The following WDR64 variants were observed in gnomAD, a reference collection of about 807,000 sequenced individuals.
WDR64 encodes WD repeat-containing protein 64.
Under a neutral mutation model 139.3 loss-of-function variants are expected in WDR64, and 112 were observed. The ratio of observed to expected loss-of-function variants is 0.80; its 90% CI spans 0.69 to 0.94. WDR64 has a LOEUF of 0.94. Among genes scored for constraint, WDR64 ranks in the 40% least tolerant of loss-of-function variants. The pLI is 0.00. For missense variants in WDR64, 1,206 were observed against 1,293.1 expected, an observed-to-expected ratio of 0.93 and a Z score of 1.03; for synonymous variants, 444 against 437.7, an observed-to-expected ratio of 1.01 and a Z score of -0.18.
At chr1:241,740,108 C>T (rs1212008342) in intron 11 of WDR64, among the ~76,000 whole-genome samples, 2 of 152,148 alleles carry the variant, frequency 1.3e-5, no homozygotes, top group Non-Finnish European at 2.9e-5. Flanking sequence ...TCTCAAACAG[C>T]CCAGCTGACT....
intron 16 of WDR64, among the ~76,000 whole-genome samples, chr1:241,769,053 G>C (rs1275533746): frequency 6.6e-6 from 1 of 152,142 alleles, no homozygotes; most frequent in Non-Finnish European, 1.5e-5. Flanking sequence ...GATCGCTTGA[G>C]CCCAGGAGTT....
chr1:241,710,367 G>T (rs1367338927), intron 8 of WDR64, among the ~76,000 whole-genome samples: 2 of 152,194 alleles, frequency 1.3e-5, no homozygotes, highest in Non-Finnish European at 2.9e-5. Context: ...GATGGAGCCA[G>T]GATGGAAGCC....
intron 23 of WDR64, among the ~76,000 whole-genome samples, chr1:241,786,897 A>G (rs916452403): frequency 1.3e-5 from 2 of 152,228 alleles, no homozygotes; most frequent in Non-Finnish European, 2.9e-5. Context: ...TTGCAGGGAC[A>G]TGGATGGAGC....
chr1:241,716,851 T>C (rs1039851790), intron 9 of WDR64, among the ~76,000 whole-genome samples: 6 of 152,116 alleles, frequency 3.9e-5, no homozygotes, highest in Admixed American at 6.5e-5. Context: ...CTCCAAAAGA[T>C]TGGATTTTCT....
chr1:241,653,538 CTTTTCTTTT>C (rs1156611104), intron 1 of WDR64, among the ~76,000 whole-genome samples: 3 of 107,898 alleles, frequency 2.8e-5, no homozygotes, highest in Non-Finnish European at 6.4e-5. Context: ...CTTTTCTTTT[CTTTTCTTTT>C]TTTTTTTTTT....
In WDR64 at chr1:241,766,363, A is replaced by T. The variant is rs1574081036; in HGVS notation, c.2081+12A>T. 1.2e-6 allele frequency: 2 copies of T among 1,612,684 alleles called. No individual in the cohort carries two copies. Among genetic ancestry groups the T allele is most frequent in the African/African-American group, 1.3e-5 (1 of 74,904 alleles). ...ACTGTCAAAAAAGTGTAAGTTGTGT[A>T]TTATCCTTAAACAATGTAAAAGCTT... On this transcript the variant is annotated intron_variant, in intron 16 of 27. Transcript: ENST00000437684.
intron 15 of WDR64, 43 bp downstream of exon 15, chr1:241,757,502 T>C (rs768675339): frequency 6.5e-7 from 1 of 1,539,484 alleles, no homozygotes; most frequent in Non-Finnish European, 8.8e-7. Context: ...TTGCTTTTTG[T>C]TATGGAAATT....
At chr1:241,795,349 C>T (rs1659334132) in intron 26 of WDR64, 62 bp downstream of exon 26, 2 of 1,455,808 alleles carry the variant, frequency 1.4e-6, no homozygotes, top group African/African-American at 2.8e-5. Context: ...CCATCTCATT[C>T]CTGACCCTGG....
chr1:241,682,550 T>A (rs140531762), intron 6 of WDR64, among the ~76,000 whole-genome samples: 3,507 of 152,358 alleles, frequency 0.023, 81 homozygotes, highest in South Asian at 0.081. Flanking sequence ...TAGTTTGAAA[T>A]CAGATAGTGT....
chr1:241,709,423 C>G (rs1668079651), intron 8 of WDR64, among the ~76,000 whole-genome samples: 1 of 152,162 alleles, frequency 6.6e-6, no homozygotes, highest in Admixed American at 6.5e-5. Context: ...GGTTCAATAT[C>G]TCAAACACAA....
intron 13 of WDR64, among the ~76,000 whole-genome samples, chr1:241,747,731 A>G (rs920302071): frequency 6.6e-6 from 1 of 152,176 alleles, no homozygotes; most frequent in African/African-American, 2.4e-5. Flanking sequence ...CCTATGCGAG[A>G]ATCGATGTTG....
rs1172731790 is a variant in WDR64 at position 241,802,590 on chromosome 1, A to G, written c.*1375A>G. Among the ~76,000 whole-genome samples the G allele has an allele frequency of 6.6e-6, 1 of 152,200 alleles. No individual in the cohort carries two copies. The highest frequency in any genetic ancestry group is 2.4e-5 in the African/African-American group (1 of 41,448). On this transcript the variant is annotated 3_prime_UTR_variant, in exon 28 of 28. Coordinates refer to ENST00000437684, the MANE Select transcript of WDR64 (RefSeq NM_001367482.1). The stretch of plus-strand genomic sequence containing the variant: ...GAATTGTAAACTAATATTCTCATTG[A>G]TATGCATGCTAATAGGATTACTAGT...
At chr1:241,701,667 T>G (rs1405182447) in intron 8 of WDR64, among the ~76,000 whole-genome samples, 1 of 91,752 alleles carries the variant, frequency 1.1e-5, no homozygotes. Context: ...CAAACAGTGG[T>G]CATTGATCTG....
rs1667819564 is a variant in WDR64 at position 241,703,639 on chromosome 1, T to G, written c.975-8163T>G. 1.3e-5 allele frequency among the ~76,000 whole-genome samples: 2 copies of G among 152,164 alleles called. No individual in the cohort carries two copies. Among genetic ancestry groups the G allele is most frequent in the South Asian group, 4.1e-4 (2 of 4,830 alleles). On this transcript the variant is annotated intron_variant, in intron 8 of 27. Coordinates refer to ENST00000437684, the MANE Select transcript of WDR64 (RefSeq NM_001367482.1). This position sits in a 1 kb window ranked among gnomAD's most constrained non-coding sequence, Gnocchi z 5.9. The stretch of plus-strand genomic sequence containing the variant: ...TCAGGTATTTGTCCCTTAAGGATAT[T>G]CAAACAATTATTTATTGGGAGCCTT...
At chr1:241,710,196 T>C (rs12090018) in intron 8 of WDR64, among the ~76,000 whole-genome samples, 5,985 of 152,226 alleles carry the variant, frequency 0.039, 393 homozygotes, top group African/African-American at 0.14. Context: ...GCTTCTTGTC[T>C]AGGCTTCTTC....
chr1:241,731,656 G>C (rs956693992), intron 10 of WDR64, among the ~76,000 whole-genome samples: 3 of 152,084 alleles, frequency 2.0e-5, no homozygotes, highest in Non-Finnish European at 4.4e-5. Flanking sequence ...GTGGGGAGGA[G>C]GACTTTCGTT....
Position 241,782,163 on chromosome 1 carries a change from C to G in WDR64, c.2596-1109C>G, listed in dbSNP as rs556135275. Among the ~76,000 whole-genome samples, 56 of 152,278 alleles carry G rather than the reference C, an allele frequency of 3.7e-4. No homozygotes were observed. The Middle Eastern group carries it at 0.01, about 28-fold the overall frequency. ...ATTAGCTGGGCGTGGCGGCACGTGCCGGTAGTCACAGCTACTCGGGAGGCT... is the reference window on the plus strand; with the variant it reads ...ATTAGCTGGGCGTGGCGGCACGTGCGGGTAGTCACAGCTACTCGGGAGGCT... On this transcript the variant is annotated intron_variant, in intron 22 of 27. Coordinates refer to ENST00000437684, the MANE Select transcript of WDR64 (RefSeq NM_001367482.1).
chr1:241,666,774 A>G (rs1281704851), intron 2 of WDR64, among the ~76,000 whole-genome samples: 5 of 152,196 alleles, frequency 3.3e-5, no homozygotes, highest in Non-Finnish European at 7.3e-5. Flanking sequence ...TCTCATTACT[A>G]AGCAATCTAA....
intron 2 of WDR64, among the ~76,000 whole-genome samples, chr1:241,660,924 A>G (rs1665809279): frequency 6.6e-6 from 1 of 152,360 alleles, no homozygotes; most frequent in African/African-American, 2.4e-5. Context: ...ACATGCCTCT[A>G]ACAACAACCA....
Sources: allele counts gnomAD v4.1 joint callset (sites outside exome capture counted in the v4.1 genomes callset), GRCh38; gene constraint gnomAD v4.1.1; non-coding constraint Gnocchi (gnomAD v3.1); transcripts MANE v1.5; gene names NCBI Gene and HGNC (gene_info 2026-07-23, HGNC 2026-07-21).